GLB1L2: variants seen among roughly 807,000 people sequenced by gnomAD.
GLB1L2 encodes beta-galactosidase-1-like protein 2.
Under a neutral mutation model 84.1 loss-of-function variants are expected in GLB1L2, and 68 were observed. The ratio of observed to expected loss-of-function variants is 0.81; its 90% CI spans 0.67 to 0.99. The LOEUF is 0.99. Among genes scored for constraint, GLB1L2 ranks in the 50% least tolerant of loss-of-function variants. GLB1L2 has a pLI of 0.00. For synonymous variants in GLB1L2, 290 were observed against 318.0 expected, an observed-to-expected ratio of 0.91 and a Z score of 0.94; for missense variants, 762 against 805.6, an observed-to-expected ratio of 0.95 and a Z score of 0.66.
At chr11:134,363,160 A>T (rs1943820473) in intron 7 of GLB1L2, among the ~76,000 whole-genome samples, 1 of 152,052 alleles carries the variant, frequency 6.6e-6, no homozygotes, top group South Asian at 2.1e-4. Context: ...GTCTGGGTGG[A>T]GGGTCCCACC....
chr11:134,332,983 G>T (rs1943326989), intron 1 of GLB1L2, among the ~76,000 whole-genome samples: 1 of 152,300 alleles, frequency 6.6e-6, no homozygotes, highest in African/African-American at 2.4e-5. Context: ...TGAACTGAAC[G>T]GTTGGAAGTG....
At chr11:134,347,846 T>G (rs1294976899) in intron 5 of GLB1L2, among the ~76,000 whole-genome samples, 2 of 152,212 alleles carry the variant, frequency 1.3e-5, no homozygotes, top group Non-Finnish European at 2.9e-5. Flanking sequence ...GTGGAGCACA[T>G]GTGGATTAAC....
chr11:134,370,304 C>T lies in GLB1L2; in HGVS notation c.1120C>T (p.Pro374Ser), dbSNP rs1943931274. ...TTTCTGTGTTGCAGGCATCCCTCTC[C>T]CTCCCCCACCTGACCTTCTTCCCAA... ...FFGSISGIPL[P>S]PPPDLLPKMP... The change falls in exon 12 of 19, where the codon CCT becomes TCT. Residue 374 changes from proline (P) to serine (S), a missense_variant. Physicochemically the swap from Pro to Ser is moderately conservative, Grantham distance 74. This residue lies in a region of GLB1L2 where 603 missense variants were observed against 611.7 expected (regional missense o/e 0.99). Coordinates refer to ENST00000535456, the MANE Select transcript of GLB1L2 (RefSeq NM_001370461.1). The surrounding 1 kb of genome is among the most constrained non-coding windows in gnomAD (Gnocchi z 4.7). 6.2e-7 allele frequency: 1 copy of T among 1,613,670 alleles called. No individual in the cohort carries two copies. The highest frequency in any genetic ancestry group is 8.5e-7 in the Non-Finnish European group (1 of 1,179,876).
intron 9 of GLB1L2, 72 bp downstream of exon 9, chr11:134,367,413 T>C: frequency 7.7e-7 from 1 of 1,293,002 alleles, no homozygotes; most frequent in Non-Finnish European, 1.1e-6. Context: ...AGTCACCTGC[T>C]AACTAATGTA....
At chr11:134,364,570 C>A (rs1346723169) in intron 8 of GLB1L2, 172 bp downstream of exon 8, 3 of 613,528 alleles carry the variant, frequency 4.9e-6, no homozygotes, top group Non-Finnish European at 8.6e-6. Context: ...TGCCCAGAAA[C>A]ACCTCTGAGG....
At chr11:134,361,427 C>T (rs567505204) in intron 7 of GLB1L2, 7 of 152,392 alleles carry the variant, frequency 4.6e-5, no homozygotes, top group Non-Finnish European at 1.0e-4. Flanking sequence ...GCGTGGGCCT[C>T]GCGGATGTGT....
chr11:134,336,120 C>T (rs1183229196), intron 1 of GLB1L2, among the ~76,000 whole-genome samples: 3 of 152,190 alleles, frequency 2.0e-5, no homozygotes, highest in Admixed American at 1.3e-4. Flanking sequence ...TTTCTTGACT[C>T]GTGTCTGCCT....
rs534178663 is a variant in GLB1L2, at chr11:134,334,829, T to C, written c.86+2682T>C. Among the ~76,000 whole-genome samples the C allele has an allele frequency of 1.3e-5, 2 of 152,354 alleles. No individual in the cohort carries two copies. Among genetic ancestry groups the C allele is most frequent in the African/African-American group, 4.8e-5 (2 of 41,570 alleles). Reference sequence around the variant, plus strand: ...TTGAGGTCTGCGATGCACGTATCAGTGCGAACCGTGCCTTTGAGCCAGTTG... The same window carrying C: ...TTGAGGTCTGCGATGCACGTATCAGCGCGAACCGTGCCTTTGAGCCAGTTG... On this transcript the variant is annotated intron_variant, in intron 1 of 18. Transcript: ENST00000535456. This position sits in a 1 kb window ranked among gnomAD's most constrained non-coding sequence, Gnocchi z 4.1.
intron 7 of GLB1L2, among the ~76,000 whole-genome samples, chr11:134,363,352 G>A (rs775992617): frequency 2.6e-5 from 4 of 152,224 alleles, no homozygotes; most frequent in South Asian, 2.1e-4. Context: ...AGAGGCTTTC[G>A]TCCTGCAGCA....
intron 10 of GLB1L2, 99 bp downstream of exon 10, chr11:134,368,880 G>T: frequency 2.3e-6 from 3 of 1,297,418 alleles, no homozygotes; most frequent in South Asian, 2.7e-5. Flanking sequence ...TGGCACCTTC[G>T]TGTCTTTGGC....
intron 6 of GLB1L2, among the ~76,000 whole-genome samples, chr11:134,358,296 T>C (rs1430352998): frequency 2.0e-5 from 3 of 152,240 alleles, no homozygotes; most frequent in African/African-American, 2.4e-5. Flanking sequence ...CCATGGGCCC[T>C]GTAACCTGCG....
At chr11:134,346,371 T>C (rs1162750176) in intron 4 of GLB1L2, 1 of 152,336 alleles carries the variant, frequency 6.6e-6, no homozygotes, top group Non-Finnish European at 1.5e-5. Context: ...GGACGAAGGG[T>C]TTAACAGTCT....
intron 8 of GLB1L2, chr11:134,366,930 G>C: frequency 2.8e-6 from 1 of 354,610 alleles, no homozygotes; most frequent in South Asian, 2.6e-5. Context: ...CCCTTCCCTG[G>C]AAGAGGACAG....
intron 8 of GLB1L2, among the ~76,000 whole-genome samples, chr11:134,366,661 T>C (rs2136285280): frequency 6.6e-6 from 1 of 152,250 alleles, no homozygotes; most frequent in South Asian, 2.1e-4. Flanking sequence ...AGATTTAAGA[T>C]TTGTTGAGTG....
chr11:134,367,660 C>T (rs538931839), intron 9 of GLB1L2, among the ~76,000 whole-genome samples: 4 of 152,204 alleles, frequency 2.6e-5, no homozygotes, highest in Non-Finnish European at 5.9e-5. Flanking sequence ...CTGTTTACCA[C>T]GCAGGCAGTT....
At chr11:134,343,010 C>G in intron 2 of GLB1L2, 59 bp downstream of exon 2, 1 of 1,528,482 alleles carries the variant, frequency 6.5e-7, no homozygotes, top group Non-Finnish European at 8.8e-7. Flanking sequence ...CTGGTGTCTG[C>G]ATGCGAAAAA....
intron 4 of GLB1L2, 178 bp from the exon 5 acceptor site, chr11:134,347,147 G>A (rs1943562509): frequency 6.4e-6 from 4 of 625,506 alleles, no homozygotes; most frequent in Non-Finnish European, 8.8e-6. Context: ...GTGCGGGTGG[G>A]TGCTCGCCCC....
At position 134,368,760 on chromosome 11, in the gene GLB1L2, A is replaced by G; in HGVS notation, c.1006A>G (p.Lys336Glu). The change falls in exon 10 of 19, where the codon AAG becomes GAG. Residue 336 changes from lysine to glutamate, a missense_variant. Physicochemically the swap from Lys to Glu is moderately conservative, Grantham distance 56. This residue lies in a region of GLB1L2 where 603 missense variants were observed against 611.7 expected (regional missense o/e 0.99). Transcript: ENST00000535456. ...MNGAMHFHDY[K>E]SDVTSYDYDA... ...TGGAGCCATGCACTTCCATGACTAC[A>G]AGTCAGATGTCACCAGCTATGGCAA... 6.2e-7 allele frequency: 1 copy of G among 1,613,768 alleles called. No homozygotes were observed. Among genetic ancestry groups the G allele is most frequent in the Non-Finnish European group, 8.5e-7 (1 of 1,179,874 alleles).
chr11:134,337,184 G>A (rs1048749350), intron 1 of GLB1L2, among the ~76,000 whole-genome samples: 1 of 152,212 alleles, frequency 6.6e-6, no homozygotes, highest in Non-Finnish European at 1.5e-5. Flanking sequence ...CCTTACCTGG[G>A]AGCCTTTTCA....
Sources: allele counts gnomAD v4.1 joint callset (sites outside exome capture counted in the v4.1 genomes callset), GRCh38; gene constraint gnomAD v4.1.1; regional missense constraint gnomAD v4.1.1; non-coding constraint Gnocchi (gnomAD v3.1); transcripts MANE v1.5; gene names NCBI Gene and HGNC (gene_info 2026-07-23, HGNC 2026-07-21).